The following PCSK5 variants were observed in gnomAD, a reference collection of about 807,000 sequenced individuals.
PCSK5 encodes prohormone convertase 5.
In PCSK5, 129 loss-of-function variants were observed where a neutral mutation model predicts 233.2. The observed-to-expected ratio is 0.55, with a 90% confidence interval of 0.48 to 0.64. PCSK5 has a LOEUF of 0.64. Among genes scored for constraint, PCSK5 ranks in the 30% least tolerant of loss-of-function variants. PCSK5 has a pLI of 0.00. For missense variants in PCSK5, 2,076 were observed against 2,430.1 expected (o/e 0.85, Z 3.06); for synonymous variants, 825 against 879.2 (o/e 0.94, Z 1.09).
chr9:76,134,063 T>C (rs1387896400), intron 9 of PCSK5, 46 bp from the exon 10 acceptor site: 7 of 1,179,750 alleles, frequency 5.9e-6, no homozygotes, highest in Non-Finnish European at 8.5e-6. Flanking sequence ...GCTTCCCCCA[T>C]CTTTTTTTTT....
At chr9:76,351,499 A>AGAAAGAAAGAAAGAAAGAAG (rs1564196765) in intron 36 of PCSK5, among the ~76,000 whole-genome samples, 3 of 57,716 alleles carry the variant, frequency 5.2e-5, no homozygotes, top group Non-Finnish European at 9.9e-5. Context: ...AAAGAAAGAA[A>AGAAAGAAAGAAAGAAAGAAG]GAAAGAAAGA....
chr9:76,273,911 G>C (rs1368561529), intron 24 of PCSK5, among the ~76,000 whole-genome samples: 1 of 150,276 alleles, frequency 6.7e-6, no homozygotes, highest in Non-Finnish European at 1.5e-5. Flanking sequence ...GACTCGCAAA[G>C]TGCTGTGATT....
chr9:75,933,366 A>G (rs549572127), intron 2 of PCSK5, among the ~76,000 whole-genome samples: 156 of 152,190 alleles, frequency 1.0e-3, no homozygotes, highest in African/African-American at 3.5e-3. Flanking sequence ...CTCCCTGTGT[A>G]TTATTGATTG....
intron 2 of PCSK5, among the ~76,000 whole-genome samples, chr9:75,960,891 G>A (rs1825322656): frequency 6.6e-6 from 1 of 152,120 alleles, no homozygotes; most frequent in Non-Finnish European, 1.5e-5. Context: ...GGGCACATCT[G>A]GCTACCCTGT....
intron 35 of PCSK5, among the ~76,000 whole-genome samples, chr9:76,341,494 A>C (rs1445303885): frequency 6.6e-6 from 1 of 152,060 alleles, no homozygotes; most frequent in Non-Finnish European, 1.5e-5. Flanking sequence ...ATGTCTCGCC[A>C]TGTTGCCCAG....
chr9:76,049,765 T>A (rs749299567), intron 5 of PCSK5, among the ~76,000 whole-genome samples: 1 of 152,248 alleles, frequency 6.6e-6, no homozygotes, highest in Admixed American at 6.5e-5. Context: ...TTTTCAGAAG[T>A]GTGTTCAGTT....
At chr9:76,125,325 G>A (rs1198620366) in intron 9 of PCSK5, among the ~76,000 whole-genome samples, 1 of 152,108 alleles carries the variant, frequency 6.6e-6, no homozygotes, top group African/African-American at 2.4e-5. Context: ...TGAACGTCCA[G>A]TCCCTACAAA....
At chr9:76,241,128 G>T (rs1427506948) in intron 24 of PCSK5, among the ~76,000 whole-genome samples, 1 of 152,180 alleles carries the variant, frequency 6.6e-6, no homozygotes, top group Non-Finnish European at 1.5e-5. Context: ...GTAGAGGGAG[G>T]GGGGGTTTCC....
At chr9:76,047,456 A>G (rs1184182462) in intron 5 of PCSK5, among the ~76,000 whole-genome samples, 2 of 152,140 alleles carry the variant, frequency 1.3e-5, no homozygotes, top group African/African-American at 4.8e-5. Context: ...TTTGATAACT[A>G]TTTTGGTGTA....
chr9:76,344,425 T>C (rs10869756), intron 35 of PCSK5, among the ~76,000 whole-genome samples: 32,647 of 152,100 alleles, frequency 0.21, 4,496 homozygotes, highest in East Asian at 0.54. Flanking sequence ...CCATTCACAA[T>C]TGACTCCAGC....
chr9:75,989,140 C>T (rs1447867264), intron 3 of PCSK5, among the ~76,000 whole-genome samples: 1 of 152,182 alleles, frequency 6.6e-6, no homozygotes, highest in African/African-American at 2.4e-5. Flanking sequence ...ACTTTCAGAT[C>T]TGCAGATCTG....
intron 2 of PCSK5, among the ~76,000 whole-genome samples, chr9:75,932,963 T>G (rs1823877251): frequency 6.6e-6 from 1 of 152,156 alleles, no homozygotes; most frequent in Non-Finnish European, 1.5e-5. Flanking sequence ...AGGACTAGAC[T>G]GTGTCTGGAA....
chr9:75,950,158 A>T (rs921962451), intron 2 of PCSK5, among the ~76,000 whole-genome samples: 14 of 37,396 alleles, frequency 3.7e-4, no homozygotes, highest in African/African-American at 6.6e-4. Flanking sequence ...GGGGGCGGGG[A>T]GGGGGGAACT....
In PCSK5 at chr9:76,284,825, C is replaced by G. The variant is rs927087480; in HGVS notation, c.3143-7408C>G. Among the ~76,000 whole-genome samples the G allele has an allele frequency of 3.9e-5, 6 of 152,230 alleles. No homozygotes were observed. The South Asian group carries it at 1.0e-3, about 26-fold the overall frequency. On this transcript the variant is annotated intron_variant, in intron 24 of 37. Transcript: ENST00000674117. The stretch of plus-strand genomic sequence containing the variant: ...GGGATTACAGGCTTGAGCCACTGCG[C>G]CTGGCCAAACCTCTTTTTCTTTTAA...
chr9:75,907,140 A>G (rs1826295322), intron 1 of PCSK5, among the ~76,000 whole-genome samples: 1 of 152,160 alleles, frequency 6.6e-6, no homozygotes, highest in Admixed American at 6.5e-5. Context: ...ATTGACTTGC[A>G]TAATAGCTTG....
At chr9:75,972,998 T>A (rs996706428) in intron 2 of PCSK5, among the ~76,000 whole-genome samples, 7 of 152,126 alleles carry the variant, frequency 4.6e-5, no homozygotes, top group Non-Finnish European at 7.4e-5. Flanking sequence ...TGGATTTATG[T>A]CATCAGGGTT....
intron 35 of PCSK5, among the ~76,000 whole-genome samples, chr9:76,341,572 G>A (rs939061097): frequency 2.0e-5 from 3 of 152,186 alleles, no homozygotes; most frequent in Non-Finnish European, 4.4e-5. Flanking sequence ...GGGGTTACAG[G>A]CGTGAGCCAC....
intron 2 of PCSK5, among the ~76,000 whole-genome samples, chr9:75,958,528 G>A (rs1825195203): frequency 6.6e-6 from 1 of 152,176 alleles, no homozygotes; most frequent in Non-Finnish European, 1.5e-5. Flanking sequence ...CAGGGGAAGA[G>A]TATGAACTTT....
chr9:76,303,069 C>T (rs1357022379), intron 28 of PCSK5, among the ~76,000 whole-genome samples: 1 of 151,284 alleles, frequency 6.6e-6, no homozygotes, highest in African/African-American at 2.4e-5. Flanking sequence ...GATTAAGTCC[C>T]CAATCTTTTA....
Sources: allele counts gnomAD v4.1 joint callset (sites outside exome capture counted in the v4.1 genomes callset), GRCh38; gene constraint gnomAD v4.1.1; transcripts MANE v1.5; gene names NCBI Gene and HGNC (gene_info 2026-07-23, HGNC 2026-07-21).